The following PAQR3 variants were observed in gnomAD, a reference collection of about 807,000 sequenced individuals.
The protein encoded by PAQR3 is Raf kinase trapping to Golgi.
A neutral mutation model predicts 41.7 loss-of-function variants in PAQR3; 39 were observed. The observed-to-expected ratio is 0.93, with a 90% CI of 0.72 to 1.22. The LOEUF (loss-of-function observed/expected upper bound fraction) is 1.22, where lower values mean the gene tolerates loss of function less well. Ranked by LOEUF, PAQR3 falls within the 50% of genes most tolerant of loss-of-function variation. The probability of loss-of-function intolerance (pLI) is 0.00; values close to 1 mark genes in which losing one functional copy is unlikely to be tolerated. For missense variants in PAQR3, 366 were observed against 385.6 expected (o/e 0.95, Z 0.42); for synonymous variants, 140 against 140.6 (o/e 1.00, Z 0.03).
intron 11 of PAQR3, among the ~76,000 whole-genome samples, chr4:78,890,071 T>A (rs1007171423): frequency 2.0e-5 from 3 of 152,156 alleles, no homozygotes; most frequent in Non-Finnish European, 4.4e-5. Flanking sequence ...GTATATACTT[T>A]TTTCTGCAGT....
intron 3 of PAQR3, among the ~76,000 whole-genome samples, chr4:78,929,776 T>C (rs1177260599): frequency 2.0e-5 from 3 of 152,132 alleles, no homozygotes; most frequent in African/African-American, 7.2e-5. Flanking sequence ...AAAAAAGAAA[T>C]GGTAAGCAGT....
rs1735162334 is a variant in PAQR3 at position 78,917,154 on chromosome 4, G to A, written c.*3385C>T. 1 of 151,830 alleles carries A rather than the reference G, an allele frequency of 6.6e-6. No homozygotes were observed. The highest frequency in any genetic ancestry group is 1.5e-5 in the Non-Finnish European group (1 of 67,862). The allele number at this position is 151,830 out of a possible 1,614,324, so 9.4% of individuals were successfully genotyped here. ...TGCTGCAATTTGAGCTATTTATTTT[G>A]GATAACGAATACCTTTTTAAGGAAG... On this transcript the variant is annotated 3_prime_UTR_variant, in exon 6 of 6. Coordinates refer to ENST00000512733, the MANE Select transcript of PAQR3 (RefSeq NM_001040202.2).
In PAQR3 at chr4:78,914,085, ATC is replaced by A; in HGVS notation, c.*6452_*6453del. 1 of 152,138 alleles carries A rather than the reference ATC, an allele frequency of 6.6e-6. No individual in the cohort carries two copies. Among genetic ancestry groups the A allele is most frequent in the East Asian group, 1.9e-4 (1 of 5,178 alleles). 9.4% of individuals were successfully genotyped at this position (152,138 alleles called of 1,614,324 possible). A position where few individuals can be genotyped will look rare whatever the true frequency, so the allele number is the denominator to read the frequency against. On this transcript the variant is annotated 3_prime_UTR_variant, in exon 6 of 6. Coordinates refer to ENST00000512733, the MANE Select transcript of PAQR3 (RefSeq NM_001040202.2). ...TATCAAACAATTTTTTTTAATGAAA[ATC>A]TGTTGAGGTGTACACAATATGCTTC...
At chr4:78,887,790 A>T (rs188589325) in intron 12 of PAQR3, among the ~76,000 whole-genome samples, 68 of 152,316 alleles carry the variant, frequency 4.5e-4, no homozygotes, top group Admixed American at 1.2e-3. Flanking sequence ...CCCAGTTAAC[A>T]CTTGGAAGAT....
Position 78,912,076 on chromosome 4 carries a change from AGT to A in PAQR3, c.*8461_*8462del. The A allele has an allele frequency of 6.6e-7, 1 of 1,512,742 alleles. No homozygotes were observed. Among genetic ancestry groups the A allele is most frequent in the Non-Finnish European group, 8.9e-7 (1 of 1,119,332 alleles). 93.7% of individuals were successfully genotyped at this position (1,512,742 alleles called of 1,614,324 possible). On this transcript the variant is annotated 3_prime_UTR_variant, in exon 6 of 6. Transcript: ENST00000512733. The stretch of plus-strand genomic sequence containing the variant: ...TCGGCATTAACTCCTGTTTCAAAAA[AGT>A]GTGAACAGTTTTATGAATTTGAAAG...
At chr4:78,896,827 C>T (rs760801443) in intron 11 of PAQR3, among the ~76,000 whole-genome samples, 1 of 152,194 alleles carries the variant, frequency 6.6e-6, no homozygotes, top group Non-Finnish European at 1.5e-5. Flanking sequence ...TATCCTTACA[C>T]ATGAACATTT....
At chr4:78,908,263 A>G (rs1056258386), downstream of PAQR3, among the ~76,000 whole-genome samples, 5 of 152,198 alleles carry the variant, frequency 3.3e-5, no homozygotes, top group Admixed American at 2.6e-4. Flanking sequence ...AACATTGCCA[A>G]CAAACTATAC....
chr4:78,921,725 ATTTAT>A (rs1441068420), intron 5 of PAQR3: 31 of 984,794 alleles, frequency 3.1e-5, no homozygotes, highest in East Asian at 1.1e-4. Context: ...TTAGTTTAAA[ATTTAT>A]TTTATTTCCC....
chr4:78,937,086 AAC>A (rs1737506844), intron 1 of PAQR3, among the ~76,000 whole-genome samples: 1 of 152,136 alleles, frequency 6.6e-6, no homozygotes, highest in Admixed American at 6.5e-5. Context: ...CTATATGAAA[AAC>A]ACACTTGAAT....
intron 11 of PAQR3, among the ~76,000 whole-genome samples, chr4:78,905,210 C>T (rs1011909919): frequency 4.6e-5 from 7 of 151,742 alleles, no homozygotes; most frequent in African/African-American, 9.7e-5. Context: ...GATTTTTGCA[C>T]GGCATTTATT....
Position 78,911,996 on chromosome 4 carries a change from A to G in PAQR3, c.*8543T>C, listed in dbSNP as rs1734655330. 6.2e-7 allele frequency: 1 copy of G among 1,613,302 alleles called. No individual in the cohort carries two copies. Among genetic ancestry groups the G allele is most frequent in the South Asian group, 1.1e-5 (1 of 91,008 alleles). ...CAACAGTCCCAACCAGTCGAATTAGACCCATTTGGTGCTGCTCCATTTCCT... is the reference window on the plus strand; with the variant it reads ...CAACAGTCCCAACCAGTCGAATTAGGCCCATTTGGTGCTGCTCCATTTCCT... On this transcript the variant is annotated 3_prime_UTR_variant, in exon 6 of 6. Transcript: ENST00000512733.
At chr4:78,938,621 GTTAAC>G (rs1210953091) in intron 1 of PAQR3, among the ~76,000 whole-genome samples, 15 of 152,100 alleles carry the variant, frequency 9.9e-5, no homozygotes, top group South Asian at 2.1e-4. Context: ...GGGTGTATAT[GTTAAC>G]TTGTTTCCTA....
At chr4:78,904,885 A>G (rs768724773) in intron 11 of PAQR3, among the ~76,000 whole-genome samples, 3 of 151,912 alleles carry the variant, frequency 2.0e-5, no homozygotes, top group Non-Finnish European at 4.4e-5. Context: ...TGAAAATAAG[A>G]TAGTTATAAT....
downstream of PAQR3, chr4:78,911,317 G>C (rs370160842): frequency 5.3e-5 from 85 of 1,613,878 alleles, no homozygotes; most frequent in Middle Eastern, 1.3e-3. Flanking sequence ...TACTATCCCT[G>C]GTTATCCCAA....
chr4:78,907,949 C>T (rs13133734), downstream of PAQR3, among the ~76,000 whole-genome samples: 3,245 of 152,178 alleles, frequency 0.021, 47 homozygotes, highest in Non-Finnish European at 0.032. Flanking sequence ...CTTCTGGAAC[C>T]GTACATATTT....
chr4:78,936,042 C>T (rs1477069885), intron 1 of PAQR3, among the ~76,000 whole-genome samples: 1 of 152,156 alleles, frequency 6.6e-6, no homozygotes, highest in African/African-American at 2.4e-5. Context: ...GAGCGTGTAC[C>T]ACCCTGAGTC....
chr4:78,931,584 A>C (rs1041163109), intron 2 of PAQR3, among the ~76,000 whole-genome samples: 1 of 152,102 alleles, frequency 6.6e-6, no homozygotes, highest in Non-Finnish European at 1.5e-5. Context: ...AGAATCACTG[A>C]ACAAACAGTA....
Position 78,926,659 on chromosome 4 carries a change from C to T in PAQR3, c.564G>A (p.Ala188=), listed in dbSNP as rs529751739. 28 of 1,613,778 alleles carry T rather than the reference C, an allele frequency of 1.7e-5. No individual in the cohort carries two copies. The highest frequency in any genetic ancestry group is 4.5e-5 in the East Asian group (2 of 44,876). The change falls in exon 4 of 6, where the codon GCG becomes GCA. Residue 188 remains alanine, a synonymous_variant. Transcript: ENST00000512733. ...GCGTGAGGTAATTGGGATGAATCTGCGCAAAGAACACTGCCAGGATCATAG... is the reference window on the plus strand; with the variant it reads ...GCGTGAGGTAATTGGGATGAATCTGTGCAAAGAACACTGCCAGGATCATAG... The part of the protein sequence containing the change: ...VLAMILAVFF[A]QIHPNYLTQQ...
intron 11 of PAQR3, among the ~76,000 whole-genome samples, chr4:78,893,408 T>C (rs183478996): frequency 6.6e-6 from 1 of 152,322 alleles, no homozygotes; most frequent in East Asian, 1.9e-4. Flanking sequence ...TCCAGAGTCT[T>C]GTTAATGTTG....
Sources: allele counts gnomAD v4.1 joint callset (sites outside exome capture counted in the v4.1 genomes callset), GRCh38; gene constraint gnomAD v4.1.1; transcripts MANE v1.5; gene names NCBI Gene and HGNC (gene_info 2026-07-23, HGNC 2026-07-21).